SMOC1: variants seen among roughly 807,000 people sequenced by gnomAD.
The protein encoded by SMOC1 is SPARC related modular calcium binding 1.
Under a neutral mutation model 56.3 loss-of-function variants are expected in SMOC1, and 22 were observed. The observed-to-expected ratio is 0.39, with a 90% CI of 0.28 to 0.56. The LOEUF is 0.56. Ranked by LOEUF, SMOC1 falls within the 20% of genes least tolerant of loss-of-function variation. The pLI is 0.61. For missense variants in SMOC1, 509 were observed against 565.4 expected (o/e 0.90, Z 1.01); for synonymous variants, 193 against 215.0 (o/e 0.90, Z 0.89).
At chr14:69,921,807 G>A (rs535348299) in intron 1 of SMOC1, among the ~76,000 whole-genome samples, 2 of 152,300 alleles carry the variant, frequency 1.3e-5, no homozygotes, top group South Asian at 4.1e-4. Context: ...GGCTCAGAGG[G>A]TCTGGAAGTA....
chr14:69,881,177 C>T (rs1883627183), intron 1 of SMOC1, among the ~76,000 whole-genome samples: 1 of 152,142 alleles, frequency 6.6e-6, no homozygotes, highest in South Asian at 2.1e-4. Flanking sequence ...TTTATGGATG[C>T]AGATGAGGAT....
rs987804828 is a variant in SMOC1 at position 70,023,102 on chromosome 14, G to C, written c.1047-101G>C. On this transcript the variant is annotated intron_variant, in intron 10 of 11. Coordinates refer to ENST00000361956, the MANE Select transcript of SMOC1 (RefSeq NM_001034852.3). ...GGGTGGACTTTGGCTTGGAGGAGCC[G>C]TTTCTACCTGACTTTCTGGGGGCAG... 1.9e-6 allele frequency: 3 copies of C among 1,594,880 alleles called. No homozygotes were observed. In the South Asian group the frequency reaches 3.3e-5, roughly 18 times the overall value.
chr14:69,948,419 T>A (rs1240023023), intron 1 of SMOC1, among the ~76,000 whole-genome samples: 2 of 152,190 alleles, frequency 1.3e-5, no homozygotes, highest in Non-Finnish European at 2.9e-5. Context: ...TCTCTGTGTG[T>A]TGGGATGGGT....
intron 7 of SMOC1, among the ~76,000 whole-genome samples, chr14:70,006,543 AG>A (rs1885153718): frequency 6.6e-6 from 1 of 152,236 alleles, no homozygotes; most frequent in Non-Finnish European, 1.5e-5. Context: ...AAATACGTAC[AG>A]GGTAAATTGA....
At chr14:70,022,485 T>G (rs1277137318) in intron 10 of SMOC1, among the ~76,000 whole-genome samples, 5 of 152,194 alleles carry the variant, frequency 3.3e-5, no homozygotes, top group African/African-American at 1.2e-4. Flanking sequence ...CCACCCCAGA[T>G]CCCCTGACTA....
At chr14:69,885,182 C>T (rs1566660352) in intron 1 of SMOC1, among the ~76,000 whole-genome samples, 1 of 151,892 alleles carries the variant, frequency 6.6e-6, no homozygotes, top group Non-Finnish European at 1.5e-5. Flanking sequence ...CCTTCAAAAC[C>T]CAGTTCCAAC....
intron 1 of SMOC1, among the ~76,000 whole-genome samples, chr14:69,880,033 A>G (rs1883593220): frequency 6.6e-6 from 1 of 151,474 alleles, no homozygotes; most frequent in African/African-American, 2.4e-5. Context: ...TTCTTTCCCA[A>G]TCTCTTCTCT....
chr14:69,999,903 A>T (rs1884905143), intron 7 of SMOC1, among the ~76,000 whole-genome samples: 1 of 152,174 alleles, frequency 6.6e-6, no homozygotes, highest in Admixed American at 6.5e-5. Flanking sequence ...GCTGCAGGAC[A>T]CAGCACTGGG....
intron 11 of SMOC1, among the ~76,000 whole-genome samples, chr14:70,028,115 C>T (rs1886000100): frequency 6.6e-6 from 1 of 152,132 alleles, no homozygotes. Context: ...TTGGAAATTC[C>T]ACTGGATCAC....
chr14:69,923,396 A>G (rs1884904828), intron 1 of SMOC1, among the ~76,000 whole-genome samples: 5 of 152,222 alleles, frequency 3.3e-5, no homozygotes, highest in Admixed American at 3.3e-4. Flanking sequence ...AAACCCAGGC[A>G]CACATAGGAA....
Position 69,975,311 on chromosome 14 carries a change from C to T in SMOC1, c.379-404C>T, listed in dbSNP as rs187106215. Among the ~76,000 whole-genome samples, 14 of 152,164 alleles carry T rather than the reference C, an allele frequency of 9.2e-5. No homozygotes were observed. The East Asian group carries it at 2.5e-3, about 27-fold the overall frequency. ...TGAGCTGAGATCATGCCACTGCACT[C>T]CAGCCTGGGTGACAGAGTGAAACTG... On this transcript the variant is annotated intron_variant, in intron 3 of 11. Coordinates refer to ENST00000361956, the MANE Select transcript of SMOC1 (RefSeq NM_001034852.3).
intron 1 of SMOC1, among the ~76,000 whole-genome samples, chr14:69,902,213 T>C (rs989325959): frequency 4.6e-5 from 7 of 152,206 alleles, no homozygotes; most frequent in Admixed American, 1.3e-4. Context: ...TTGGTCACTA[T>C]GAAGGAAAAG....
At chr14:70,018,693 C>T (rs1885605629) in intron 10 of SMOC1, among the ~76,000 whole-genome samples, 1 of 152,190 alleles carries the variant, frequency 6.6e-6, no homozygotes, top group African/African-American at 2.4e-5. Flanking sequence ...CTCCTGGCTT[C>T]ACCCTCCCCC....
intron 1 of SMOC1, among the ~76,000 whole-genome samples, chr14:69,891,045 C>T (rs1883946783): frequency 6.6e-6 from 1 of 152,134 alleles, no homozygotes; most frequent in East Asian, 1.9e-4. Context: ...CTGAAAATGA[C>T]TAATCTAAAG....
intron 3 of SMOC1, among the ~76,000 whole-genome samples, chr14:69,965,980 A>T (rs1883563145): frequency 6.6e-6 from 1 of 152,172 alleles, no homozygotes; most frequent in African/African-American, 2.4e-5. Context: ...AATAGGGAAG[A>T]ATAATAGGAA....
At chr14:69,943,391 T>C (rs977070003) in intron 1 of SMOC1, among the ~76,000 whole-genome samples, 4 of 151,900 alleles carry the variant, frequency 2.6e-5, no homozygotes, top group Admixed American at 2.0e-4. Context: ...GGTCATGGGG[T>C]CAGGGAAGGG....
chr14:69,972,982 T>A (rs566930234), intron 3 of SMOC1, among the ~76,000 whole-genome samples: 1 of 152,280 alleles, frequency 6.6e-6, no homozygotes, highest in South Asian at 2.1e-4. Context: ...ACCTTGGCCA[T>A]GGGAGTCAAG....
In SMOC1 at chr14:69,952,198, C is replaced by A; in HGVS notation, c.160C>A (p.Pro54Thr). 1 of 1,614,192 alleles carries A rather than the reference C, an allele frequency of 6.2e-7. No homozygotes were observed. Among genetic ancestry groups the A allele is most frequent in the Non-Finnish European group, 8.5e-7 (1 of 1,180,014 alleles). ...NLHCSRTQPK[P>T]ICASDGRSYE... ...CCACTGCTCCAGGACTCAACCCAAA[C>A]CCATCTGTGCCTCTGATGGCAGGTC... Residue 54 changes from proline to threonine, a missense_variant, in exon 2 of 12, where the codon CCC becomes ACC. Coordinates refer to ENST00000361956, the MANE Select transcript of SMOC1 (RefSeq NM_001034852.3).
chr14:69,994,976 A>G (rs1884715252), intron 7 of SMOC1, among the ~76,000 whole-genome samples: 1 of 152,122 alleles, frequency 6.6e-6, no homozygotes. Context: ...TATTTGTAGG[A>G]TTTTTTTGTA....
Sources: gnomAD v4.1 joint callset for allele counts (sites outside exome capture counted in the v4.1 genomes callset) on GRCh38, gnomAD v4.1.1 for gene constraint, MANE v1.5 for transcripts, NCBI Gene and HGNC (gene_info 2026-07-23, HGNC 2026-07-21) for gene names.